The following FOXR1 variants were observed in gnomAD, a reference collection of about 807,000 sequenced individuals.
FOXR1 encodes the protein forkhead box R1.
Under a neutral mutation model 34.5 loss-of-function variants are expected in FOXR1, and 25 were observed. That is an observed-to-expected ratio of 0.72 (90% CI 0.53 to 1.01). The LOEUF (loss-of-function observed/expected upper bound fraction) is 1.01, where lower values mean the gene tolerates loss of function less well. Ranked by LOEUF, FOXR1 falls within the 50% of genes least tolerant of loss-of-function variation. FOXR1 has a pLI of 0.00. For synonymous variants in FOXR1, 153 were observed against 141.6 expected, an observed-to-expected ratio of 1.08 and a Z score of -0.57; for missense variants, 373 against 376.2, an observed-to-expected ratio of 0.99 and a Z score of 0.07.
At position 118,971,945 on chromosome 11, in the gene FOXR1, T is replaced by C; in HGVS notation, c.14T>C (p.Leu5Pro). 1 of 1,555,606 alleles carries C rather than the reference T, an allele frequency of 6.4e-7. No individual in the cohort carries two copies. Among genetic ancestry groups the C allele is most frequent in the Non-Finnish European group, 8.7e-7 (1 of 1,148,970 alleles). ...CTGGACTGGGACATGGGGAACGAGC[T>C]CTTTCTGGCCTTCACCACATCTCAC... MGNELFLAFTTSHLP... is the reference protein window; with the variant it reads MGNEPFLAFTTSHLP... Residue 5 changes from leucine (L) to proline (P), a missense_variant, in exon 1 of 6, where the codon CTC becomes CCC. Coordinates refer to ENST00000317011, the MANE Select transcript of FOXR1 (RefSeq NM_181721.3).
In FOXR1 at chr11:118,979,053, A is replaced by G; in HGVS notation, c.233A>G (p.Asp78Gly). The G allele has an allele frequency of 6.2e-7, 1 of 1,604,026 alleles. No homozygotes were observed. The change falls in exon 3 of 6, where the codon GAC becomes GGC. Residue 78 changes from aspartate to glycine, a missense_variant. Asp to Gly is a moderately conservative substitution (Grantham distance 94). Coordinates refer to ENST00000317011, the MANE Select transcript of FOXR1 (RefSeq NM_181721.3). Reference protein sequence around the residue: ...LEVSGRRKREDLTSTLPSSQP... With the variant: ...LEVSGRRKREGLTSTLPSSQP... Reference sequence around the variant, plus strand: ...GTCTCAGGACGTAGGAAGAGGGAGGACCTGACAAGCACACTCCCCTCCTCT... The same window carrying G: ...GTCTCAGGACGTAGGAAGAGGGAGGGCCTGACAAGCACACTCCCCTCCTCT...
At chr11:118,974,908 A>G (rs1341016262) in intron 1 of FOXR1, among the ~76,000 whole-genome samples, 2 of 152,162 alleles carry the variant, frequency 1.3e-5, no homozygotes, top group Non-Finnish European at 2.9e-5. Context: ...TTAGGAAGGA[A>G]GATCAGGAAT....
At chr11:118,980,754 C>T (rs942147068) in intron 5 of FOXR1, 26 bp downstream of exon 5, 15 of 1,594,454 alleles carry the variant, frequency 9.4e-6, no homozygotes, top group Admixed American at 1.7e-5. Context: ...GTGCGTGGGC[C>T]CAAGGGGAAG....
intron 1 of FOXR1, among the ~76,000 whole-genome samples, chr11:118,974,831 A>G (rs1941759560): frequency 6.6e-6 from 1 of 152,182 alleles, no homozygotes; most frequent in African/African-American, 2.4e-5. Flanking sequence ...ACAATTGAGT[A>G]TGAGCCTTCA....
intron 1 of FOXR1, 57 bp downstream of exon 1, chr11:118,972,049 G>T: frequency 7.0e-7 from 1 of 1,429,882 alleles, no homozygotes. Flanking sequence ...TGGCCTAGGG[G>T]CTCGCGGGAC....
At chr11:118,979,415 A>G (rs782721186) in intron 3 of FOXR1, 27 bp from the exon 4 acceptor site, 7 of 1,561,862 alleles carry the variant, frequency 4.5e-6, no homozygotes, top group Non-Finnish European at 6.1e-6. Flanking sequence ...AGGAGTCAGG[A>G]CCAGTTCCTA....
chr11:118,978,784 G>C lies in FOXR1; in HGVS notation c.64G>C (p.Ala22Pro). Residue 22 changes from alanine (A) to proline (P), a missense_variant and splice_region_variant, in exon 2 of 6, where the codon GCC becomes CCC. Transcript: ENST00000317011. ...SHLPLAEQKL[A>P]RYKLRIVKPP... ...CTCTCTGTCTTTCTTTTTGCCAGTT[G>C]CCAGGTATAAACTCCGAATTGTTAA... The C allele has an allele frequency of 6.2e-7, 1 of 1,614,080 alleles. No individual in the cohort carries two copies. The highest frequency in any genetic ancestry group is 8.5e-7 in the Non-Finnish European group (1 of 1,180,004).
chr11:118,972,003 G>A lies in FOXR1; in HGVS notation c.61+11G>A. 1.9e-6 allele frequency: 3 copies of A among 1,542,300 alleles called. No homozygotes were observed. In the South Asian group the frequency reaches 3.6e-5, roughly 18 times the overall value. Reference sequence around the variant, plus strand: ...TAGCGGAGCAGAAACGTGAGTAGCGGGTGGGGTGAGGTGGGGGGCTGGGCG... The same window carrying A: ...TAGCGGAGCAGAAACGTGAGTAGCGAGTGGGGTGAGGTGGGGGGCTGGGCG... On this transcript the variant is annotated intron_variant, in intron 1 of 5. Coordinates refer to ENST00000317011, the MANE Select transcript of FOXR1 (RefSeq NM_181721.3).
At chr11:118,973,626 C>T (rs1428107338) in intron 1 of FOXR1, among the ~76,000 whole-genome samples, 2 of 151,572 alleles carry the variant, frequency 1.3e-5, no homozygotes, top group African/African-American at 4.9e-5. Context: ...TCTTCAATTC[C>T]TGACCATGAT....
chr11:118,974,042 G>A (rs1941749601), intron 1 of FOXR1, among the ~76,000 whole-genome samples: 1 of 152,236 alleles, frequency 6.6e-6, no homozygotes, highest in East Asian at 1.9e-4. Context: ...ACTCAATTAG[G>A]AACATAATAT....
At chr11:118,972,123 C>T (rs1258246159) in intron 1 of FOXR1, 131 bp downstream of exon 1, 12 of 488,126 alleles carry the variant, frequency 2.5e-5, no homozygotes, top group Middle Eastern at 6.8e-4. Flanking sequence ...GGGCCGAGCG[C>T]CCCGCGCCCC....
At chr11:118,979,260 A>G in intron 3 of FOXR1, 56 bp downstream of exon 3, 1 of 1,504,028 alleles carries the variant, frequency 6.6e-7, no homozygotes, top group South Asian at 1.4e-5. Context: ...GGGCATGGGG[A>G]AGAGCCATTA....
At chr11:118,979,360 T>C in intron 3 of FOXR1, 82 bp from the exon 4 acceptor site, 1 of 1,482,754 alleles carries the variant, frequency 6.7e-7, no homozygotes, top group Non-Finnish European at 9.0e-7. Context: ...ATGGTGGCCT[T>C]AGACCACCCC....
intron 5 of FOXR1, 95 bp downstream of exon 5, chr11:118,980,823 G>A: frequency 1.7e-6 from 2 of 1,172,424 alleles, no homozygotes; most frequent in Non-Finnish European, 2.4e-6. Flanking sequence ...CCGTGGGGGT[G>A]GGGGAATGCA....
chr11:118,980,768 C>T, intron 5 of FOXR1, 40 bp downstream of exon 5: 1 of 1,570,744 alleles, frequency 6.4e-7, no homozygotes, highest in Non-Finnish European at 8.6e-7. Flanking sequence ...GGGGAAGAGA[C>T]CTGAGGATCC....
chr11:118,975,662 C>G (rs985828169), intron 1 of FOXR1, among the ~76,000 whole-genome samples: 2 of 151,960 alleles, frequency 1.3e-5, no homozygotes, highest in African/African-American at 4.8e-5. Flanking sequence ...ATGAGAATGA[C>G]CCAACAAAGA....
rs74920398 is a variant in FOXR1 at position 118,974,007 on chromosome 11, G to A, written c.61+2015G>A. Among the ~76,000 whole-genome samples the A allele has an allele frequency of 2.0e-3, 303 of 152,254 alleles. 1 individual carries two copies. Among genetic ancestry groups the A allele is most frequent in the African/African-American group, 6.5e-3 (269 of 41,542 alleles). On this transcript the variant is annotated intron_variant, in intron 1 of 5. Transcript: ENST00000317011. ...GCCACCGCGCCAGGCCACAGCTACA[G>A]TTTTAAATAAGATTGTGGGGTTGAA...
chr11:118,976,089 A>AT (rs1470876439), intron 1 of FOXR1, among the ~76,000 whole-genome samples: 3 of 152,224 alleles, frequency 2.0e-5, no homozygotes, highest in African/African-American at 7.2e-5. Flanking sequence ...TGGTGCATAA[A>AT]TGAGGTTACG....
In FOXR1 at chr11:118,971,901, T is replaced by C. The variant is rs1941707793; in HGVS notation, c.-31T>C. On this transcript the variant is annotated 5_prime_UTR_variant, in exon 1 of 6. It removes an upstream start codon present in the reference 5' UTR. Transcript: ENST00000317011. Reference sequence around the variant, plus strand: ...ACCTCGACTTCTGGGCCCGCCTCCATGGCCAGGTCCCGGGACTGCTGGACT... The same window carrying C: ...ACCTCGACTTCTGGGCCCGCCTCCACGGCCAGGTCCCGGGACTGCTGGACT... The C allele has an allele frequency of 3.2e-6, 5 of 1,552,676 alleles. No individual in the cohort carries two copies. The highest frequency in any genetic ancestry group is 1.4e-5 in the African/African-American group (1 of 73,156).
Sources: gnomAD v4.1 joint callset for allele counts (sites outside exome capture counted in the v4.1 genomes callset) on GRCh38, gnomAD v4.1.1 for gene constraint, MANE v1.5 for transcripts, NCBI Gene and HGNC (gene_info 2026-07-23, HGNC 2026-07-21) for gene names.